The following UBA5 variants were observed in gnomAD, a reference collection of about 807,000 sequenced individuals.
UBA5 encodes ubiquitin like modifier activating enzyme 5.
Under a neutral mutation model 52.9 loss-of-function variants are expected in UBA5, and 28 were observed. That is an observed-to-expected ratio of 0.53 (90% CI 0.39 to 0.73). UBA5 has a LOEUF of 0.73. Ranked by LOEUF, UBA5 falls within the 30% of genes least tolerant of loss-of-function variation. The probability of loss-of-function intolerance (pLI) is 0.00; values close to 1 mark genes in which losing one functional copy is unlikely to be tolerated. For missense variants in UBA5, 388 were observed against 492.7 expected, an observed-to-expected ratio of 0.79 and a Z score of 2.01; for synonymous variants, 135 against 162.1, an observed-to-expected ratio of 0.83 and a Z score of 1.27.
intron 8 of UBA5, among the ~76,000 whole-genome samples, chr3:132,673,775 C>T (rs1938709737): frequency 6.6e-6 from 1 of 151,960 alleles, no homozygotes; most frequent in South Asian, 2.1e-4. Context: ...AGTGATCCTC[C>T]TACCTCAGCC....
In UBA5 at chr3:132,666,001, C is replaced by T. The variant is rs773155430; in HGVS notation, c.225C>T (p.Ala75=). ...TTTCACAGAAAATCCGTACCTTTGC[C>T]GTAGCAATAGTAGGTGTTGGTGGAG... ...VSDYEKIRTF[A]VAIVGVGGVG... The change falls in exon 3 of 12, where the codon GCC becomes GCT. Residue 75 remains alanine, a synonymous_variant. Coordinates refer to ENST00000356232, the MANE Select transcript of UBA5 (RefSeq NM_024818.6). 2.9e-5 allele frequency: 47 copies of T among 1,613,400 alleles called. No individual in the cohort carries two copies. The highest frequency in any genetic ancestry group is 3.4e-5 in the Non-Finnish European group (40 of 1,179,526).
chr3:132,660,948 A>G lies in UBA5; in HGVS notation c.161+250A>G, dbSNP rs943212843. 204 of 1,493,748 alleles carry G rather than the reference A, an allele frequency of 1.4e-4. No individual in the cohort carries two copies. The highest frequency in any genetic ancestry group is 1.7e-4 in the Non-Finnish European group (196 of 1,122,090). The allele number at this position is 1,493,748 out of a possible 1,614,324, so 92.5% of individuals were successfully genotyped here. A position where few individuals can be genotyped will look rare whatever the true frequency, so the allele number is the denominator to read the frequency against. On this transcript the variant is annotated intron_variant, in intron 1 of 11. Coordinates refer to ENST00000356232, the MANE Select transcript of UBA5 (RefSeq NM_024818.6). The surrounding 1 kb of genome is among the most constrained non-coding windows in gnomAD (Gnocchi z 4.1). Reference sequence around the variant, plus strand: ...CTGTGCCTGCTGAGGACGTGTGTCCAGTTTCCTATCACCCTTGCCTCTTAA... The same window carrying G: ...CTGTGCCTGCTGAGGACGTGTGTCCGGTTTCCTATCACCCTTGCCTCTTAA...
In UBA5 at chr3:132,672,170, G is replaced by C; in HGVS notation, c.805G>C (p.Val269Leu). ...GVVAGILVQN[V>L]LKFLLNFGTV... is the part of the protein sequence containing the mutation. ...GGTTGCTGGGATCTTAGTACAAAAC[G>C]TGTTAAAGTAAGTCAGGGCTAATTT... The change falls in exon 8 of 12, where the codon GTG becomes CTG. Residue 269 changes from valine (V) to leucine (L), a missense_variant. Physicochemically the swap from Val to Leu is conservative, Grantham distance 32. Transcript: ENST00000356232. 6.2e-7 allele frequency: 1 copy of C among 1,613,116 alleles called. No homozygotes were observed. Among genetic ancestry groups the C allele is most frequent in the Non-Finnish European group, 8.5e-7 (1 of 1,179,682 alleles).
intron 8 of UBA5, among the ~76,000 whole-genome samples, chr3:132,674,574 C>T (rs1159872452): frequency 2.0e-5 from 3 of 152,028 alleles, no homozygotes; most frequent in Non-Finnish European, 1.5e-5. Context: ...TGCCTGTAGT[C>T]GCAGCTACTT....
intron 3 of UBA5, chr3:132,667,939 G>C (rs1408102197): frequency 1.3e-5 from 2 of 152,130 alleles, no homozygotes; most frequent in Admixed American, 1.3e-4. Flanking sequence ...GAGAGTGTGA[G>C]ATCTTTTCTA....
chr3:132,659,850 G>C, upstream of UBA5: 1 of 1,420,144 alleles, frequency 7.0e-7, no homozygotes, highest in Non-Finnish European at 9.3e-7. Flanking sequence ...ATGGGCCGAG[G>C]CCGGGGTGGG....
chr3:132,674,293 TC>T (rs1333105769), intron 8 of UBA5, among the ~76,000 whole-genome samples: 9 of 152,256 alleles, frequency 5.9e-5, no homozygotes, highest in African/African-American at 2.2e-4. Flanking sequence ...TATGTGATTT[TC>T]TCTGTATAGA....
In UBA5 at chr3:132,668,907, A is replaced by C. The variant is rs1349408125; in HGVS notation, c.387A>C (p.Gln129His). 6.2e-7 allele frequency: 1 copy of C among 1,609,422 alleles called. No homozygotes were observed. The highest frequency in any genetic ancestry group is 2.2e-5 in the East Asian group (1 of 44,696). Residue 129 changes from glutamine to histidine, a missense_variant, in exon 4 of 12, where the codon CAA becomes CAC. Around this residue, in one of 3 missense-constraint regions of UBA5, gnomAD observed 277 missense variants for 326.4 expected, o/e 0.85. Coordinates refer to ENST00000356232, the MANE Select transcript of UBA5 (RefSeq NM_024818.6). ...QPHQAGLSKV[Q>H]AAEHTLRNIN... is the part of the protein sequence containing the mutation. ...ATCAAGCAGGATTAAGTAAAGTTCA[A>C]GCAGCAGAACATACTCTGAGGTAAA...
At chr3:132,659,609 T>A (rs200581158), upstream of UBA5, 2 of 1,610,454 alleles carry the variant, frequency 1.2e-6, no homozygotes, top group Non-Finnish European at 1.7e-6. Flanking sequence ...ATACCTGTAC[T>A]GGGCAATGGT....
At chr3:132,654,508 C>T (rs1937676129) in exon 1 of UBA5, 1 of 152,126 alleles carries the variant, frequency 6.6e-6, no homozygotes, top group African/African-American at 2.4e-5. Flanking sequence ...AAAGTAAAGC[C>T]AAAAGTCAGC....
At position 132,675,882 on chromosome 3, in the gene UBA5, TTA is replaced by T; in HGVS notation, c.1091_1092del (p.Leu364SerfsTer2). 6.2e-7 allele frequency: 1 copy of T among 1,611,562 alleles called. No homozygotes were observed. The highest frequency in any genetic ancestry group is 8.5e-7 in the Non-Finnish European group (1 of 1,179,054). On this transcript the variant is annotated frameshift_variant, in exon 11 of 12. Coordinates refer to ENST00000356232, the MANE Select transcript of UBA5 (RefSeq NM_024818.6). LOFTEE classifies it high-confidence loss of function. ...AAATTTTTCAGGTCCAGTTCCAGAC[TTA>T]CCTGAAGGAATTACAGTGGCATACA... Reference protein sequence around the residue: ...LKNFSGPVPDLPEGITVAYTI... With the variant: ...LKNFSGPVPDXPEGITVAYTI...
chr3:132,656,853 T>G (rs867041642), upstream of UBA5, among the ~76,000 whole-genome samples: 104 of 152,068 alleles, frequency 6.8e-4, 1 homozygote, highest in African/African-American at 2.0e-3. Flanking sequence ...TGTGTTGTTT[T>G]TTTTTTTTTA....
At chr3:132,660,114 G>A, upstream of UBA5, 1 of 339,630 alleles carries the variant, frequency 2.9e-6, no homozygotes, top group East Asian at 6.0e-5. This position sits in a 1 kb window ranked among gnomAD's most constrained non-coding sequence, Gnocchi z 4.1. Flanking sequence ...CGGAAGACCT[G>A]CAGGGTCCCG....
rs2107950753 is a variant in UBA5 at position 132,675,544 on chromosome 3, AT to A, written c.949-59del. On this transcript the variant is annotated intron_variant, in intron 9 of 11. Coordinates refer to ENST00000356232, the MANE Select transcript of UBA5 (RefSeq NM_024818.6). ...GATAAAAAGCCTGTCTGAATTCTTG[AT>A]TAATGCTTTAGAGAACTGAGAATGA... is the stretch of plus-strand genomic sequence containing the variant. The A allele has an allele frequency of 1.9e-6, 3 of 1,541,748 alleles. No homozygotes were observed. The South Asian group carries it at 3.6e-5, about 18-fold the overall frequency.
chr3:132,660,386 G>A lies in UBA5; in HGVS notation c.-152G>A. 1 of 974,210 alleles carries A rather than the reference G, an allele frequency of 1.0e-6. No homozygotes were observed. The highest frequency in any genetic ancestry group is 1.5e-6 in the Non-Finnish European group (1 of 673,898). The allele number at this position is 974,210 out of a possible 1,614,324, so 60.3% of individuals were successfully genotyped here. A position where few individuals can be genotyped will look rare whatever the true frequency, so the allele number is the denominator to read the frequency against. Reference sequence around the variant, plus strand: ...GAGTCTCGGAGACGTGTCTGTCTGTGAGGCGCTGGGTGCACGTCCCCAGGG... The same window carrying A: ...GAGTCTCGGAGACGTGTCTGTCTGTAAGGCGCTGGGTGCACGTCCCCAGGG... On this transcript the variant is annotated 5_prime_UTR_variant, in exon 1 of 12. Coordinates refer to ENST00000356232, the MANE Select transcript of UBA5 (RefSeq NM_024818.6). This position sits in a 1 kb window ranked among gnomAD's most constrained non-coding sequence, Gnocchi z 4.1.
chr3:132,675,882 T>C lies in UBA5; in HGVS notation c.1090T>C (p.Leu364=), dbSNP rs781045424. The C allele has an allele frequency of 6.2e-7, 1 of 1,611,562 alleles. No homozygotes were observed. The highest frequency in any genetic ancestry group is 8.5e-7 in the Non-Finnish European group (1 of 1,179,054). The change falls in exon 11 of 12, where the codon TTA becomes CTA. Residue 364 remains leucine, a synonymous_variant. Coordinates refer to ENST00000356232, the MANE Select transcript of UBA5 (RefSeq NM_024818.6). The part of the protein sequence containing the change: ...LKNFSGPVPD[L]PEGITVAYTI... Reference sequence around the variant, plus strand: ...AAATTTTTCAGGTCCAGTTCCAGACTTACCTGAAGGAATTACAGTGGCATA... The same window carrying C: ...AAATTTTTCAGGTCCAGTTCCAGACCTACCTGAAGGAATTACAGTGGCATA...
chr3:132,676,348 G>T lies in UBA5; in HGVS notation c.1132-95G>T. On this transcript the variant is annotated intron_variant, in intron 11 of 11. Coordinates refer to ENST00000356232, the MANE Select transcript of UBA5 (RefSeq NM_024818.6). The surrounding 1 kb of genome is among the most constrained non-coding windows in gnomAD (Gnocchi z 4.1). ...TAAAGAAAATTTACTTTATAACCTT[G>T]TTGAGCATGGTCAAAACTTGCTGAT... is the stretch of plus-strand genomic sequence containing the variant. The T allele has an allele frequency of 1.1e-6, 1 of 949,498 alleles. No homozygotes were observed. Among genetic ancestry groups the T allele is most frequent in the Non-Finnish European group, 1.6e-6 (1 of 620,074 alleles). 58.8% of individuals were successfully genotyped at this position (949,498 alleles called of 1,614,324 possible).
Position 132,676,110 on chromosome 3 carries a change from GAAT to G in UBA5, c.1131+190_1131+192del, listed in dbSNP as rs896796556. Among the ~76,000 whole-genome samples the G allele has an allele frequency of 6.6e-6, 1 of 151,962 alleles. No individual in the cohort carries two copies. The highest frequency in any genetic ancestry group is 2.4e-5 in the African/African-American group (1 of 41,350). Reference sequence around the variant, plus strand: ...TTATAGCTTAAACTTTTAAAACATAGAATAAAATGGTTTTGTTCACTCATTAAT... The same window carrying G: ...TTATAGCTTAAACTTTTAAAACATAGAAAATGGTTTTGTTCACTCATTAAT... On this transcript the variant is annotated intron_variant, in intron 11 of 11. Transcript: ENST00000356232. The surrounding 1 kb of genome is among the most constrained non-coding windows in gnomAD (Gnocchi z 4.1).
intron 1 of UBA5, among the ~76,000 whole-genome samples, chr3:132,661,824 A>T (rs530416690): frequency 1.3e-5 from 2 of 152,322 alleles, no homozygotes; most frequent in East Asian, 1.9e-4. Flanking sequence ...TTTGATTTTT[A>T]AAAAAGGTTT....
Sources: gnomAD v4.1 joint callset for allele counts (sites outside exome capture counted in the v4.1 genomes callset) on GRCh38, gnomAD v4.1.1 for gene constraint, gnomAD v4.1.1 regional missense constraint, Gnocchi (gnomAD v3.1) non-coding constraint, MANE v1.5 for transcripts, NCBI Gene and HGNC (gene_info 2026-07-23, HGNC 2026-07-21) for gene names.